Variants in SLX4IP observed in about 807,000 individuals in gnomAD.
The protein encoded by SLX4IP is SLX4 interacting protein.
Under a neutral mutation model 32.9 loss-of-function variants are expected in SLX4IP, and 34 were observed. The observed-to-expected ratio is 1.03, with a 90% CI of 0.79 to 1.38. SLX4IP has a LOEUF of 1.38. SLX4IP is among the 40% of genes most tolerant of loss of function. The pLI, the probability that SLX4IP is intolerant of heterozygous loss-of-function variation, is 0.00. For missense variants in SLX4IP, 444 were observed against 479.0 expected, an observed-to-expected ratio of 0.93 and a Z score of 0.68; for synonymous variants, 172 against 171.7, an observed-to-expected ratio of 1.00 and a Z score of -0.01.
intron 1 of SLX4IP, among the ~76,000 whole-genome samples, chr20:10,446,241 G>A (rs970932184): frequency 5.9e-5 from 9 of 151,484 alleles, no homozygotes; most frequent in African/African-American, 1.9e-4. Context: ...GTGAAACCCC[G>A]TCTCTATTAA....
At chr20:10,475,188 C>T (rs956770910) in intron 2 of SLX4IP, among the ~76,000 whole-genome samples, 5 of 152,186 alleles carry the variant, frequency 3.3e-5, no homozygotes, top group African/African-American at 9.6e-5. Flanking sequence ...GCCGACAGCT[C>T]GGCCACCATC....
chr20:10,590,222 T>G (rs867123940), intron 4 of SLX4IP, among the ~76,000 whole-genome samples: 76 of 152,300 alleles, frequency 5.0e-4, no homozygotes, highest in African/African-American at 1.8e-3. Context: ...GAAAACTTTG[T>G]AATTTTTTAA....
chr20:10,440,177 C>T (rs766497140), intron 1 of SLX4IP, among the ~76,000 whole-genome samples: 4 of 151,408 alleles, frequency 2.6e-5, no homozygotes, highest in African/African-American at 9.7e-5. Flanking sequence ...ATTCCAGACC[C>T]AGTACGGTGG....
At chr20:10,454,850 C>T (rs1600888325) in intron 1 of SLX4IP, among the ~76,000 whole-genome samples, 1 of 152,206 alleles carries the variant, frequency 6.6e-6, no homozygotes, top group Admixed American at 6.5e-5. Flanking sequence ...CTACATTTTA[C>T]ATGCCTACCA....
intron 2 of SLX4IP, among the ~76,000 whole-genome samples, chr20:10,474,660 G>A (rs565656417): frequency 2.3e-4 from 35 of 152,352 alleles, no homozygotes; most frequent in South Asian, 1.0e-3. Context: ...TGGGGCTGGA[G>A]CCTCTCCACT....
chr20:10,442,588 T>C (rs949116748), intron 1 of SLX4IP, among the ~76,000 whole-genome samples: 3 of 152,218 alleles, frequency 2.0e-5, no homozygotes, highest in African/African-American at 7.2e-5. Flanking sequence ...GGAAAATTGA[T>C]CTTTTTGGGT....
At chr20:10,522,911 C>T (rs1225366895) in intron 2 of SLX4IP, among the ~76,000 whole-genome samples, 1 of 152,210 alleles carries the variant, frequency 6.6e-6, no homozygotes, top group Non-Finnish European at 1.5e-5. Flanking sequence ...GGACAGAAAG[C>T]ATATCACATC....
intron 6 of SLX4IP, among the ~76,000 whole-genome samples, chr20:10,611,969 T>G (rs1461231827): frequency 6.6e-6 from 1 of 152,224 alleles, no homozygotes; most frequent in Non-Finnish European, 1.5e-5. Context: ...GGAGCAGGCC[T>G]CCTAGACTCA....
chr20:10,503,285 T>G (rs76452021), intron 2 of SLX4IP, among the ~76,000 whole-genome samples: 1 of 152,214 alleles, frequency 6.6e-6, no homozygotes. Flanking sequence ...AACTAGCCAC[T>G]GAGTCTCCCT....
At chr20:10,467,153 G>A (rs1298697267) in intron 2 of SLX4IP, among the ~76,000 whole-genome samples, 2 of 152,152 alleles carry the variant, frequency 1.3e-5, no homozygotes, top group Admixed American at 6.6e-5. Flanking sequence ...CTGTGTCCTA[G>A]GTTTTTTCGT....
At chr20:10,544,329 A>G (rs2066139856) in intron 2 of SLX4IP, among the ~76,000 whole-genome samples, 1 of 152,174 alleles carries the variant, frequency 6.6e-6, no homozygotes, top group Non-Finnish European at 1.5e-5. Flanking sequence ...GATGCTCAGC[A>G]AGGCACTGTT....
At position 10,532,354 on chromosome 20, in the gene SLX4IP, T is replaced by G. The variant is rs2065997049; in HGVS notation, c.28-23877T>G. On this transcript the variant is annotated intron_variant, in intron 2 of 7. Coordinates refer to ENST00000334534, the MANE Select transcript of SLX4IP (RefSeq NM_001009608.3). ...ATTGTGCCCCATAAATATACACAAT[T>G]ATTTGTCAATTAAAAGAAATTAGTA... Among the ~76,000 whole-genome samples the G allele has an allele frequency of 2.0e-5, 3 of 152,050 alleles. No homozygotes were observed. The South Asian group carries it at 6.2e-4, about 32-fold the overall frequency.
intron 6 of SLX4IP, among the ~76,000 whole-genome samples, chr20:10,604,401 T>G (rs1002963436): frequency 5.3e-5 from 8 of 152,026 alleles, no homozygotes; most frequent in African/African-American, 1.2e-4. Flanking sequence ...TCCTTCATCT[T>G]TTTTTTTGGA....
intron 2 of SLX4IP, among the ~76,000 whole-genome samples, chr20:10,458,469 G>A (rs112814842): frequency 6.6e-6 from 1 of 152,022 alleles, no homozygotes; most frequent in East Asian, 1.9e-4. Context: ...CCATGACTTA[G>A]GTATTAAGCC....
Position 10,526,863 on chromosome 20 carries a change from G to T in SLX4IP, c.28-29368G>T, listed in dbSNP as rs566269383. 9.2e-5 allele frequency among the ~76,000 whole-genome samples: 14 copies of T among 152,230 alleles called. No individual in the cohort carries two copies. In the South Asian group the frequency reaches 2.9e-3, roughly 32 times the overall value. Reference sequence around the variant, plus strand: ...TCTACTTGGGAGGCTGAGATGGGAGGACTGCTTGAGGCTGGGAGGCAGAGG... The same window carrying T: ...TCTACTTGGGAGGCTGAGATGGGAGTACTGCTTGAGGCTGGGAGGCAGAGG... On this transcript the variant is annotated intron_variant, in intron 2 of 7. Coordinates refer to ENST00000334534, the MANE Select transcript of SLX4IP (RefSeq NM_001009608.3).
intron 2 of SLX4IP, among the ~76,000 whole-genome samples, chr20:10,458,515 TC>T (rs1169993078): frequency 6.6e-6 from 1 of 151,988 alleles, no homozygotes; most frequent in Non-Finnish European, 1.5e-5. Flanking sequence ...ATGTTCTCCC[TC>T]CCCCTTCCCC....
At chr20:10,455,408 A>G (rs1273124275) in intron 1 of SLX4IP, among the ~76,000 whole-genome samples, 2 of 152,020 alleles carry the variant, frequency 1.3e-5, no homozygotes, top group African/African-American at 2.4e-5. Flanking sequence ...ATATAGTGTG[A>G]TGTAGCAGTC....
chr20:10,518,307 G>A (rs1400291435), intron 2 of SLX4IP, among the ~76,000 whole-genome samples: 1 of 152,158 alleles, frequency 6.6e-6, no homozygotes, highest in Non-Finnish European at 1.5e-5. Context: ...CGCTCTGGAT[G>A]ACCATTCTCC....
chr20:10,579,458 C>T (rs1307621050), intron 4 of SLX4IP, among the ~76,000 whole-genome samples: 1 of 151,376 alleles, frequency 6.6e-6, no homozygotes, highest in Non-Finnish European at 1.5e-5. Flanking sequence ...GACAGAGTCT[C>T]TCTCTGTCGC....
Sources: allele counts gnomAD v4.1 joint callset (sites outside exome capture counted in the v4.1 genomes callset), GRCh38; gene constraint gnomAD v4.1.1; transcripts MANE v1.5; gene names NCBI Gene and HGNC (gene_info 2026-07-23, HGNC 2026-07-21).